CHFR: variants seen among roughly 807,000 people sequenced by gnomAD.
CHFR encodes the protein checkpoint with forkhead and ring finger domains.
In CHFR, 57 loss-of-function variants were observed where a neutral mutation model predicts 87.6. The observed-to-expected ratio is 0.65, with a 90% CI of 0.53 to 0.81. CHFR has a LOEUF of 0.81. CHFR is among the 30% of genes least tolerant of loss of function. The probability of loss-of-function intolerance (pLI) is 0.00; values close to 1 mark genes in which losing one functional copy is unlikely to be tolerated. For synonymous variants in CHFR, 381 were observed against 359.2 expected (o/e 1.06, Z -0.69); for missense variants, 797 against 865.8 (o/e 0.92, Z 1.00).
At chr12:132,851,154 CTAA>C (rs1950934999) in intron 12 of CHFR, among the ~76,000 whole-genome samples, 1 of 151,888 alleles carries the variant, frequency 6.6e-6, no homozygotes, top group Non-Finnish European at 1.5e-5. Flanking sequence ...TCATGTCTGG[CTAA>C]TGTTTGTATT....
chr12:132,847,047 C>T lies in CHFR; in HGVS notation c.1731G>A (p.Leu577=). Residue 577 remains leucine, a synonymous_variant, in exon 15 of 18, where the codon CTG becomes CTA. Transcript: ENST00000450056. The part of the protein sequence containing the change: ...LVALQRGVFL[L]SDYRVTGDTV... The stretch of plus-strand genomic sequence containing the variant: ...GGAGGCAACAGAAGAACTCACCAGA[C>T]AGCAGAAACACTCCCCGCTGGAGAG... 6.2e-7 allele frequency: 1 copy of T among 1,612,194 alleles called. No individual in the cohort carries two copies. The highest frequency in any genetic ancestry group is 8.5e-7 in the Non-Finnish European group (1 of 1,178,522).
intron 10 of CHFR, 51 bp from the exon 11 acceptor site, chr12:132,853,624 T>C: frequency 3.4e-6 from 5 of 1,481,658 alleles, no homozygotes; most frequent in Non-Finnish European, 3.6e-6. Context: ...GCCTCTCAGG[T>C]AGGGCCGGTG....
At chr12:132,860,233 T>A (rs1951183077) in intron 7 of CHFR, among the ~76,000 whole-genome samples, 1 of 152,178 alleles carries the variant, frequency 6.6e-6, no homozygotes, top group African/African-American at 2.4e-5. Context: ...TTAGACATCA[T>A]TCCTGACATC....
Position 132,879,242 on chromosome 12 carries a change from G to A in CHFR, c.134-1588C>T, listed in dbSNP as rs190908272. On this transcript the variant is annotated intron_variant, in intron 2 of 17. Transcript: ENST00000450056. ...GAACTCCTGACCTCTTGATCCACCC[G>A]CCTCAGCCTCCCAAAGTGTTGGGAT... is the stretch of plus-strand genomic sequence containing the variant. 5.5e-4 allele frequency among the ~76,000 whole-genome samples: 84 copies of A among 152,088 alleles called. 1 individual carries two copies. Among genetic ancestry groups the A allele is most frequent in the African/African-American group, 2.0e-3 (83 of 41,502 alleles).
At chr12:132,851,520 C>T in intron 12 of CHFR, 98 bp downstream of exon 12, 3 of 1,334,338 alleles carry the variant, frequency 2.2e-6, no homozygotes, top group Non-Finnish European at 3.0e-6. Flanking sequence ...AAACGGCATC[C>T]TTACTTCACA....
intron 3 of CHFR, among the ~76,000 whole-genome samples, chr12:132,875,632 G>GA (rs1461644565): frequency 2.6e-5 from 4 of 151,976 alleles, no homozygotes; most frequent in African/African-American, 9.7e-5. Context: ...TCAAAAAAGA[G>GA]AAAAAAAGGA....
rs1305027889 is a variant in CHFR, at chr12:132,857,575, G to C, written c.912-16C>G. On this transcript the variant is annotated splice_polypyrimidine_tract_variant and intron_variant, in intron 8 of 17. Transcript: ENST00000450056. ...GGGCTGCAAACTGAAAGTGCAAGAG[G>C]AACAGTGTCCAGACAGTCCCACAGA... is the stretch of plus-strand genomic sequence containing the variant. The C allele has an allele frequency of 6.2e-7, 1 of 1,612,424 alleles. No individual in the cohort carries two copies. Among genetic ancestry groups the C allele is most frequent in the African/African-American group, 1.3e-5 (1 of 75,034 alleles).
rs1951713652 is a variant in CHFR, at chr12:132,879,371, C to A, written c.134-1717G>T. Among the ~76,000 whole-genome samples the A allele has an allele frequency of 5.3e-5, 8 of 149,882 alleles. No individual in the cohort carries two copies. The Admixed American group carries it at 5.4e-4, about 10-fold the overall frequency. Reference sequence around the variant, plus strand: ...GCATCTATAGCTGAATACAGTAATTCTGACACTTTGGGATTTTTTTTTTCT... The same window carrying A: ...GCATCTATAGCTGAATACAGTAATTATGACACTTTGGGATTTTTTTTTTCT... On this transcript the variant is annotated intron_variant, in intron 2 of 17. Transcript: ENST00000450056.
At chr12:132,871,069 C>T (rs1410471369) in intron 4 of CHFR, among the ~76,000 whole-genome samples, 1 of 152,244 alleles carries the variant, frequency 6.6e-6, no homozygotes, top group African/African-American at 2.4e-5. Flanking sequence ...ATACAAGATC[C>T]TTCCGTGTGG....
intron 2 of CHFR, among the ~76,000 whole-genome samples, chr12:132,881,377 G>A (rs1158880286): frequency 6.6e-6 from 1 of 152,132 alleles, no homozygotes; most frequent in East Asian, 1.9e-4. Context: ...CTTGTATCCA[G>A]AATGTATAGA....
chr12:132,847,430 C>T, intron 14 of CHFR: 1 of 1,168,244 alleles, frequency 8.6e-7, no homozygotes, highest in Non-Finnish European at 1.1e-6. Flanking sequence ...GGCCACAGTG[C>T]ACACAGCCCA....
intron 15 of CHFR, among the ~76,000 whole-genome samples, chr12:132,846,091 C>T (rs542627650): frequency 1.3e-5 from 2 of 152,162 alleles, no homozygotes; most frequent in South Asian, 4.1e-4. Context: ...TTTTTGTTTT[C>T]ATTTCTACGT....
chr12:132,882,180 G>A (rs1381682812), intron 2 of CHFR, among the ~76,000 whole-genome samples: 2 of 152,192 alleles, frequency 1.3e-5, no homozygotes, highest in Admixed American at 1.3e-4. Context: ...AAGCCATGGT[G>A]CATCCAAACC....
At chr12:132,860,108 G>A (rs550741643) in intron 7 of CHFR, among the ~76,000 whole-genome samples, 2 of 152,104 alleles carry the variant, frequency 1.3e-5, no homozygotes, top group Non-Finnish European at 2.9e-5. Flanking sequence ...CGTCTCAGCC[G>A]CTCCTCACCC....
chr12:132,851,663 G>A lies in CHFR; in HGVS notation c.1447C>T (p.Arg483Trp), dbSNP rs936864653. The change falls in exon 12 of 18, where the codon CGG (arginine) becomes TGG (tryptophan). Residue 483 changes from arginine to tryptophan, a missense_variant. Coordinates refer to ENST00000450056, the MANE Select transcript of CHFR (RefSeq NM_001161346.2). ...GGGTCCTGCTCGCGCTCCGCTCTCC[G>A]GTCGGGCATGGGCTGGAAGCAGCAG... ...CTCCFQPMPD[R>W]RAEREQDPRV... The A allele has an allele frequency of 7.4e-6, 12 of 1,613,118 alleles. No homozygotes were observed. Among genetic ancestry groups the A allele is most frequent in the Non-Finnish European group, 1.0e-5 (12 of 1,179,916 alleles).
At chr12:132,877,684 A>G (rs763759331) in intron 2 of CHFR, 30 bp from the exon 3 acceptor site, 2 of 1,477,286 alleles carry the variant, frequency 1.4e-6, no homozygotes, top group East Asian at 2.3e-5. Flanking sequence ...TCAACACGGG[A>G]TATGATCGTG....
At chr12:132,855,260 AAAG>A (rs1251289589) in intron 10 of CHFR, among the ~76,000 whole-genome samples, 1 of 151,916 alleles carries the variant, frequency 6.6e-6, no homozygotes, top group Non-Finnish European at 1.5e-5. Context: ...AAAAAAAAGA[AAAG>A]AAAAAAAAAT....
chr12:132,846,302 C>G (rs68159019), intron 15 of CHFR, among the ~76,000 whole-genome samples: 123,531 of 147,756 alleles, frequency 0.84, 53,863 homozygotes, highest in Non-Finnish European at 0.98. Context: ...TCGCTCTGTC[C>G]CCCAGGCTGG....
At chr12:132,861,251 T>C (rs1566188858) in intron 7 of CHFR, among the ~76,000 whole-genome samples, 1 of 152,168 alleles carries the variant, frequency 6.6e-6, no homozygotes, top group East Asian at 1.9e-4. Flanking sequence ...GAACAGCCTG[T>C]AGCAAATCAC....
Sources: gnomAD v4.1 joint callset for allele counts (sites outside exome capture counted in the v4.1 genomes callset) on GRCh38, gnomAD v4.1.1 for gene constraint, MANE v1.5 for transcripts, NCBI Gene and HGNC (gene_info 2026-07-23, HGNC 2026-07-21) for gene names.